Variants in DPY19L3 observed in about 807,000 individuals in gnomAD.
DPY19L3 encodes the protein protein C-mannosyl-transferase DPY19L3.
A neutral mutation model predicts 92.3 loss-of-function variants in DPY19L3; 51 were observed. The observed-to-expected ratio is 0.55, with a 90% confidence interval of 0.44 to 0.70. The LOEUF is 0.70. DPY19L3 is among the 30% of genes least tolerant of loss of function. The probability of loss-of-function intolerance (pLI) is 0.00; values close to 1 mark genes in which losing one functional copy is unlikely to be tolerated. For synonymous variants in DPY19L3, 309 were observed against 315.2 expected, an observed-to-expected ratio of 0.98 and a Z score of 0.21; for missense variants, 706 against 855.9, an observed-to-expected ratio of 0.82 and a Z score of 2.18.
At position 32,483,705 on chromosome 19, in the gene DPY19L3, A is replaced by G. The variant is rs1970731794; in HGVS notation, c.*1465A>G. 1 of 152,206 alleles carries G rather than the reference A, an allele frequency of 6.6e-6. No homozygotes were observed. 9.4% of individuals were successfully genotyped at this position (152,206 alleles called of 1,614,324 possible). On this transcript the variant is annotated 3_prime_UTR_variant, in exon 19 of 19. Transcript: ENST00000392250. The stretch of plus-strand genomic sequence containing the variant: ...TTATCAAAACTTGTTTAAATAAAAA[A>G]TTGACAGTAGCTGGGTTATTAAATT...
chr19:32,454,569 G>A (rs745610107), intron 9 of DPY19L3, among the ~76,000 whole-genome samples: 9 of 151,940 alleles, frequency 5.9e-5, no homozygotes, highest in Admixed American at 3.9e-4. Context: ...GTGAGACTCC[G>A]TCTCAAAAGA....
At chr19:32,406,539 A>G (rs1375108858) in intron 1 of DPY19L3, among the ~76,000 whole-genome samples, 1 of 151,666 alleles carries the variant, frequency 6.6e-6, no homozygotes, top group Non-Finnish European at 1.5e-5. Context: ...TATTGTATAG[A>G]TAGGGTCTCG....
intron 15 of DPY19L3, among the ~76,000 whole-genome samples, chr19:32,465,332 A>G (rs1251818719): frequency 6.6e-6 from 1 of 152,192 alleles, no homozygotes; most frequent in East Asian, 1.9e-4. Flanking sequence ...CTGCCCTTTA[A>G]TTCAGAGAAT....
intron 6 of DPY19L3, 80 bp from the exon 7 acceptor site, chr19:32,439,032 T>C (rs1262116673): frequency 6.7e-6 from 10 of 1,485,896 alleles, no homozygotes; most frequent in Non-Finnish European, 9.2e-6. Flanking sequence ...CTTAATGTAA[T>C]ATATCTTTCG....
chr19:32,423,561 C>G (rs1968652373), intron 3 of DPY19L3, among the ~76,000 whole-genome samples: 1 of 151,922 alleles, frequency 6.6e-6, no homozygotes, highest in African/African-American at 2.4e-5. Flanking sequence ...CCATGCCTGG[C>G]CGCCATTACT....
At chr19:32,481,866 G>A (rs1396226707) in intron 18 of DPY19L3, 1 of 539,776 alleles carries the variant, frequency 1.9e-6, no homozygotes, top group Admixed American at 3.4e-5. Flanking sequence ...GGATCATCGT[G>A]TGACGCTGCA....
At chr19:32,438,189 G>A (rs1969207527) in intron 6 of DPY19L3, among the ~76,000 whole-genome samples, 1 of 152,024 alleles carries the variant, frequency 6.6e-6, no homozygotes, top group Non-Finnish European at 1.5e-5. Context: ...GTATTCAATA[G>A]GAGTCTTAAA....
intron 15 of DPY19L3, 29 bp from the exon 16 acceptor site, chr19:32,468,701 GT>G: frequency 6.2e-7 from 1 of 1,610,848 alleles, no homozygotes; most frequent in Non-Finnish European, 8.5e-7. Context: ...GGTGGATTTT[GT>G]TTTTGTTTTG....
At chr19:32,439,041 C>G (rs961606409) in intron 6 of DPY19L3, 71 bp from the exon 7 acceptor site, 1 of 1,521,776 alleles carries the variant, frequency 6.6e-7, no homozygotes, top group East Asian at 2.3e-5. Flanking sequence ...ATATATCTTT[C>G]GTTGAGGAAG....
chr19:32,429,409 A>G (rs183530612), intron 3 of DPY19L3, among the ~76,000 whole-genome samples: 2 of 152,376 alleles, frequency 1.3e-5, no homozygotes, highest in Admixed American at 1.3e-4. Flanking sequence ...TTCTCTTAGC[A>G]TGAAGCAGAT....
intron 4 of DPY19L3, among the ~76,000 whole-genome samples, chr19:32,434,984 A>G (rs529863353): frequency 2.6e-5 from 4 of 152,326 alleles, no homozygotes; most frequent in African/African-American, 7.2e-5. Context: ...GCTTGCCATA[A>G]TGTAATACCA....
intron 3 of DPY19L3, chr19:32,412,563 G>A (rs994012419): frequency 6.6e-6 from 1 of 152,002 alleles, no homozygotes; most frequent in Non-Finnish European, 1.5e-5. Flanking sequence ...CTAATACTCT[G>A]TGCAAGTGGT....
intron 16 of DPY19L3, among the ~76,000 whole-genome samples, chr19:32,472,700 G>A (rs1451126892): frequency 1.3e-5 from 2 of 151,928 alleles, no homozygotes; most frequent in Non-Finnish European, 1.5e-5. Flanking sequence ...TTCATTTTTC[G>A]TTCCTGAAAA....
At chr19:32,456,977 G>C (rs1969886095) in intron 10 of DPY19L3, among the ~76,000 whole-genome samples, 2 of 152,170 alleles carry the variant, frequency 1.3e-5, no homozygotes, top group African/African-American at 4.8e-5. Flanking sequence ...CCTGGGAAAT[G>C]TAGCAAAATC....
intron 12 of DPY19L3, among the ~76,000 whole-genome samples, chr19:32,463,051 CTTTCAA>C (rs1405812512): frequency 2.0e-5 from 3 of 148,620 alleles, no homozygotes; most frequent in African/African-American, 7.4e-5. Flanking sequence ...TTAAAAATCT[CTTTCAA>C]TTTCAGCAAT....
chr19:32,411,062 A>C (rs1968162501), intron 2 of DPY19L3, among the ~76,000 whole-genome samples, 177 bp from the exon 3 acceptor site: 2 of 152,248 alleles, frequency 1.3e-5, no homozygotes, highest in African/African-American at 4.8e-5. Context: ...ACGGGGTAAC[A>C]GTTGTAATAG....
chr19:32,438,753 A>C (rs910752903), intron 6 of DPY19L3, among the ~76,000 whole-genome samples: 1 of 152,180 alleles, frequency 6.6e-6, no homozygotes, highest in Admixed American at 6.5e-5. Flanking sequence ...ACACCAAAGA[A>C]ATACAGAGAG....
chr19:32,477,150 C>T (rs2145635441), intron 16 of DPY19L3, among the ~76,000 whole-genome samples: 1 of 152,238 alleles, frequency 6.6e-6, no homozygotes, highest in East Asian at 1.9e-4. Flanking sequence ...GAAGCCTGGA[C>T]TCAAGAGCTA....
intron 10 of DPY19L3, 52 bp from the exon 11 acceptor site, chr19:32,458,048 A>C: frequency 7.2e-7 from 1 of 1,393,284 alleles, no homozygotes; most frequent in Non-Finnish European, 1.0e-6. Flanking sequence ...AGTTATCAGG[A>C]AACCGTGCCT....
Sources: allele counts gnomAD v4.1 joint callset (sites outside exome capture counted in the v4.1 genomes callset), GRCh38; gene constraint gnomAD v4.1.1; transcripts MANE v1.5; gene names NCBI Gene and HGNC (gene_info 2026-07-23, HGNC 2026-07-21).